Variants in KRABD2 observed in about 807,000 individuals in gnomAD.
KRABD2 encodes the protein KRAB domain-containing protein 2.
At chr17:8,370,203 T>G in the KRABD2 span, 1 of 1,613,170 alleles carries the variant, frequency 6.2e-7, no homozygotes, top group South Asian at 1.1e-5. Context: ...CTTTATTGTT[T>G]GAAAGTACTT....
chr17:8,371,630 G>A, the KRABD2 span: 1 of 1,429,032 alleles, frequency 7.0e-7, no homozygotes, highest in African/African-American at 1.4e-5. Context: ...CTTCATGGAT[G>A]AGGGAAAGGA....
At chr17:8,358,914 T>C in the KRABD2 span, among the ~76,000 whole-genome samples, 6 of 152,214 alleles carry the variant, frequency 3.9e-5, no homozygotes, top group Admixed American at 2.0e-4. Context: ...GAAATTAACT[T>C]TGATACAATA....
chr17:8,369,979 T>C, the KRABD2 span: 1 of 1,614,232 alleles, frequency 6.2e-7, no homozygotes, highest in Non-Finnish European at 8.5e-7. Flanking sequence ...TCCTTGAGCA[T>C]GCGTGTCCGC....
At chr17:8,370,656 TAGC>T in the KRABD2 span, among the ~76,000 whole-genome samples, 1 of 152,212 alleles carries the variant, frequency 6.6e-6, no homozygotes, top group Non-Finnish European at 1.5e-5. Context: ...ATGAAGTCAT[TAGC>T]TTATAGCAAG....
the KRABD2 span, chr17:8,359,689 A>G: frequency 2.2e-6 from 1 of 455,916 alleles, no homozygotes; most frequent in African/African-American, 2.0e-5. Flanking sequence ...CTACAGATGA[A>G]GAAGGGTGGC....
At chr17:8,370,123 C>G in the KRABD2 span, 1 of 1,614,088 alleles carries the variant, frequency 6.2e-7, no homozygotes, top group Admixed American at 1.7e-5. Context: ...ACAGAGATCA[C>G]ATCATATTTT....
chr17:8,373,299 C>G, the KRABD2 span, among the ~76,000 whole-genome samples: 1 of 152,228 alleles, frequency 6.6e-6, no homozygotes, highest in Non-Finnish European at 1.5e-5. Context: ...CTCAGCCTGC[C>G]GAGTGCCTGG....
chr17:8,370,458 T>C, the KRABD2 span: 1 of 948,060 alleles, frequency 1.1e-6, no homozygotes, highest in Non-Finnish European at 1.6e-6. Flanking sequence ...CCCTCTAAAG[T>C]TCCTCATCAA....
the KRABD2 span, among the ~76,000 whole-genome samples, chr17:8,373,167 G>A: frequency 2.0e-5 from 3 of 150,554 alleles, no homozygotes; most frequent in South Asian, 2.1e-4. Context: ...CTCCGTCTCC[G>A]TCTCCGTCTC....
the KRABD2 span, chr17:8,370,071 C>T: frequency 3.9e-5 from 63 of 1,613,922 alleles, no homozygotes; most frequent in Non-Finnish European, 4.8e-5. Context: ...TATTCGATCA[C>T]GTTCTCCATG....
chr17:8,372,297 G>A, the KRABD2 span, among the ~76,000 whole-genome samples: 5 of 152,194 alleles, frequency 3.3e-5, no homozygotes, highest in Non-Finnish European at 7.3e-5. The surrounding 1 kb of genome is among the most constrained non-coding windows in gnomAD (Gnocchi z 4.1). Flanking sequence ...GAAAAACAGT[G>A]TGTATTAAAT....
chr17:8,363,830 C>T, the KRABD2 span, among the ~76,000 whole-genome samples: 11,521 of 86,370 alleles, frequency 0.13, 1,182 homozygotes, highest in Non-Finnish European at 0.17. Flanking sequence ...ATATATCATA[C>T]ATATATATAT....
At chr17:8,369,911 C>G in the KRABD2 span, 1 of 1,614,204 alleles carries the variant, frequency 6.2e-7, no homozygotes, top group Non-Finnish European at 8.5e-7. Context: ...ACTGTTTACA[C>G]AGAGTCAGAT....
the KRABD2 span, among the ~76,000 whole-genome samples, chr17:8,363,931 C>T: frequency 1.4e-5 from 2 of 147,250 alleles, no homozygotes; most frequent in South Asian, 2.1e-4. Context: ...TGCAGTAGTG[C>T]GATCTTGGTT....
At chr17:8,370,909 C>T in the KRABD2 span, among the ~76,000 whole-genome samples, 1,291 of 152,274 alleles carry the variant, frequency 8.5e-3, 12 homozygotes, top group Non-Finnish European at 0.013. Context: ...TGGCTCACGC[C>T]TGTAATCCCA....
At chr17:8,371,062 G>A in the KRABD2 span, among the ~76,000 whole-genome samples, 8 of 152,030 alleles carry the variant, frequency 5.3e-5, no homozygotes, top group South Asian at 2.1e-4. Flanking sequence ...CCAGCTACTC[G>A]GGAGACTGAG....
chr17:8,376,046 C>T, the KRABD2 span: 1 of 1,231,730 alleles, frequency 8.1e-7, no homozygotes, highest in Non-Finnish European at 1.0e-6. Flanking sequence ...CAACCTGTAC[C>T]ACACTCACTG....
the KRABD2 span, chr17:8,376,203 C>A: frequency 8.4e-5 from 103 of 1,231,330 alleles, no homozygotes; most frequent in East Asian, 2.7e-3. Flanking sequence ...GACATTTTGT[C>A]AAAAATGTCG....
the KRABD2 span, among the ~76,000 whole-genome samples, chr17:8,363,836 T>TC: frequency 2.9e-3 from 155 of 52,648 alleles, 4 homozygotes; most frequent in African/African-American, 0.011. Context: ...CATACATATA[T>TC]ATATATATAT....
Sources: gnomAD v4.1 joint callset for allele counts (sites outside exome capture counted in the v4.1 genomes callset) on GRCh38, gnomAD v4.1.1 for gene constraint, Gnocchi (gnomAD v3.1) non-coding constraint, MANE v1.5 for transcripts, NCBI Gene and HGNC (gene_info 2026-07-23, HGNC 2026-07-21) for gene names.